Variants in GPC5 observed in about 807,000 individuals in gnomAD.
GPC5 encodes glypican-5.
In GPC5, 47 loss-of-function variants were observed where a neutral mutation model predicts 53.9. The observed-to-expected ratio is 0.87, with a 90% CI of 0.69 to 1.11. The LOEUF (loss-of-function observed/expected upper bound fraction) is 1.11. Among genes scored for constraint, GPC5 ranks in the 50% most tolerant of loss-of-function variants. The probability of loss-of-function intolerance (pLI) is 0.00; values close to 1 mark genes in which losing one functional copy is unlikely to be tolerated. For missense variants in GPC5, 748 were observed against 713.1 expected, an observed-to-expected ratio of 1.05 and a Z score of -0.56; for synonymous variants, 286 against 263.3, an observed-to-expected ratio of 1.09 and a Z score of -0.84.
At chr13:92,604,560 C>G (rs1884188560) in intron 7 of GPC5, among the ~76,000 whole-genome samples, 1 of 152,186 alleles carries the variant, frequency 6.6e-6, no homozygotes, top group African/African-American at 2.4e-5. Context: ...CACACTGAAA[C>G]TATGCAATTG....
In GPC5 at chr13:92,307,414, A is replaced by G. The variant is rs183531992; in HGVS notation, c.1561+162425A>G. Among the ~76,000 whole-genome samples the G allele has an allele frequency of 4.3e-3, 658 of 152,340 alleles. 3 individuals are homozygous for G. The highest frequency in any genetic ancestry group is 0.014 in the Middle Eastern group (4 of 294). On this transcript the variant is annotated intron_variant, in intron 7 of 7. Coordinates refer to ENST00000377067, the MANE Select transcript of GPC5 (RefSeq NM_004466.6). ...GGTTGCAGTGAGCCGAGATCGTGCC[A>G]TGGCACTCCAGCCTGGGCAATAGTT...
intron 7 of GPC5, among the ~76,000 whole-genome samples, chr13:92,408,101 G>A (rs1024632925): frequency 6.6e-6 from 1 of 152,128 alleles, no homozygotes; most frequent in East Asian, 1.9e-4. Context: ...CCTGAGCTCC[G>A]CCTCCTGTCA....
chr13:92,357,815 C>A (rs2043534709), intron 7 of GPC5, among the ~76,000 whole-genome samples: 1 of 151,488 alleles, frequency 6.6e-6, no homozygotes, highest in African/African-American at 2.5e-5. Context: ...CCCCATGACC[C>A]AATCACATCC....
intron 6 of GPC5, among the ~76,000 whole-genome samples, chr13:92,108,070 TATTCCAACCCAGCCA>T (rs1462466194): frequency 6.6e-6 from 1 of 152,196 alleles, no homozygotes; most frequent in African/African-American, 2.4e-5. Context: ...CTGACCTGTG[TATTCCAACCCAGCCA>T]CTTTGTTCCA....
intron 7 of GPC5, among the ~76,000 whole-genome samples, chr13:92,615,475 G>A (rs1594350494): frequency 6.6e-6 from 1 of 152,092 alleles, no homozygotes; most frequent in African/African-American, 2.4e-5. Context: ...GACGACAAAA[G>A]GAGCTTGCCC....
At chr13:91,752,254 A>G (rs1233863399) in intron 4 of GPC5, among the ~76,000 whole-genome samples, 6 of 147,978 alleles carry the variant, frequency 4.1e-5, no homozygotes, top group East Asian at 3.9e-4. Context: ...ATGTATGTAT[A>G]TATGTATGTA....
At chr13:92,531,937 G>A (rs957312051) in intron 7 of GPC5, among the ~76,000 whole-genome samples, 1 of 152,142 alleles carries the variant, frequency 6.6e-6, no homozygotes, top group Non-Finnish European at 1.5e-5. Context: ...TTGGACATTG[G>A]ATAGTACAGT....
chr13:91,701,626 A>T (rs182448818), intron 3 of GPC5, among the ~76,000 whole-genome samples: 124 of 151,730 alleles, frequency 8.2e-4, no homozygotes, highest in African/African-American at 2.9e-3. Context: ...TCTCTACATT[A>T]TGTTGATTGT....
At chr13:92,026,184 A>G (rs935983455) in intron 6 of GPC5, among the ~76,000 whole-genome samples, 1 of 152,136 alleles carries the variant, frequency 6.6e-6, no homozygotes, top group African/African-American at 2.4e-5. Flanking sequence ...GAAGTGGTAC[A>G]TATTATTGTG....
rs140138712 is a variant in GPC5, at chr13:91,763,903, C to T, written c.1280+7483C>T. Among the ~76,000 whole-genome samples, 687 of 152,284 alleles carry T rather than the reference C, an allele frequency of 4.5e-3. 4 individuals carry two copies. Among genetic ancestry groups the T allele is most frequent in the African/African-American group, 0.016 (664 of 41,556 alleles). Reference sequence around the variant, plus strand: ...CAGCTATAAAATGGGGTAGTATTTGCGTATAACCGATGCACATCCTCCTGT... The same window carrying T: ...CAGCTATAAAATGGGGTAGTATTTGTGTATAACCGATGCACATCCTCCTGT... On this transcript the variant is annotated intron_variant, in intron 5 of 7. Transcript: ENST00000377067.
At chr13:92,234,993 G>T (rs926316412) in intron 7 of GPC5, among the ~76,000 whole-genome samples, 1 of 152,050 alleles carries the variant, frequency 6.6e-6, no homozygotes, top group South Asian at 2.1e-4. Context: ...AGAAGCAAAG[G>T]CAGGGGTATA....
chr13:92,193,860 A>G (rs1389757279), intron 7 of GPC5, among the ~76,000 whole-genome samples: 1 of 152,162 alleles, frequency 6.6e-6, no homozygotes, highest in East Asian at 1.9e-4. Flanking sequence ...TATACTCCAT[A>G]CAGCTTTTTG....
chr13:91,550,039 G>A (rs2030533082), intron 2 of GPC5, among the ~76,000 whole-genome samples: 1 of 152,136 alleles, frequency 6.6e-6, no homozygotes, highest in Admixed American at 6.6e-5. Context: ...GGTACATGTA[G>A]ATAATGGAAT....
chr13:91,710,572 G>C (rs939260435), intron 3 of GPC5, among the ~76,000 whole-genome samples: 1 of 152,168 alleles, frequency 6.6e-6, no homozygotes, highest in Non-Finnish European at 1.5e-5. Flanking sequence ...CTCTGGGAGT[G>C]TTCCCATGCT....
In GPC5 at chr13:92,392,274, T is replaced by C. The variant is rs188663124; in HGVS notation, c.1561+247285T>C. Among the ~76,000 whole-genome samples the C allele has an allele frequency of 2.2e-3, 342 of 152,228 alleles. 1 individual carries two copies. Among genetic ancestry groups the C allele is most frequent in the Non-Finnish European group, 3.7e-3 (253 of 67,990 alleles). ...GGGACAGATGTCTATAGTTTGATGA[T>C]ATAATGCTGTTTTCTAAGCAATGGG... On this transcript the variant is annotated intron_variant, in intron 7 of 7. Transcript: ENST00000377067.
chr13:92,508,488 C>T (rs1880454480), intron 7 of GPC5, among the ~76,000 whole-genome samples: 1 of 152,096 alleles, frequency 6.6e-6, no homozygotes, highest in Non-Finnish European at 1.5e-5. Context: ...AGATTTTGTA[C>T]AATCTGATAT....
At chr13:92,569,042 G>A (rs372951141) in intron 7 of GPC5, among the ~76,000 whole-genome samples, 1 of 148,658 alleles carries the variant, frequency 6.7e-6, no homozygotes, top group Non-Finnish European at 1.5e-5. Context: ...TCGTCATTTA[G>A]CATTAGGTAT....
chr13:92,233,724 T>A (rs931458904), intron 7 of GPC5, among the ~76,000 whole-genome samples: 2 of 152,200 alleles, frequency 1.3e-5, no homozygotes, highest in African/African-American at 2.4e-5. Context: ...GAGTTACATA[T>A]GTATACATGT....
chr13:92,064,103 A>C (rs1171261785), intron 6 of GPC5, among the ~76,000 whole-genome samples: 1 of 152,180 alleles, frequency 6.6e-6, no homozygotes, highest in Admixed American at 6.5e-5. Context: ...CAAATTTCTA[A>C]GTATAGGGAC....
Sources: allele counts gnomAD v4.1 joint callset (sites outside exome capture counted in the v4.1 genomes callset), GRCh38; gene constraint gnomAD v4.1.1; transcripts MANE v1.5; gene names NCBI Gene and HGNC (gene_info 2026-07-23, HGNC 2026-07-21).